The following NXPE1 variants were observed in gnomAD, a reference collection of about 807,000 sequenced individuals.
The protein encoded by NXPE1 is NXPE family member 1.
NXPE1 carries 31 observed loss-of-function variants against 33.3 expected under a neutral mutation model. That is an observed-to-expected ratio of 0.93 (90% CI 0.70 to 1.26). The LOEUF (loss-of-function observed/expected upper bound fraction) is 1.26. Among genes scored for constraint, NXPE1 ranks in the 50% most tolerant of loss-of-function variants. The pLI is 0.00. For synonymous variants in NXPE1, 229 were observed against 231.4 expected (o/e 0.99, Z 0.09); for missense variants, 661 against 655.6 (o/e 1.01, Z -0.09).
At chr11:114,554,346 T>C in intron 1 of NXPE1, 1 of 985,218 alleles carries the variant, frequency 1.0e-6, no homozygotes, top group Non-Finnish European at 1.2e-6. Flanking sequence ...TTCCTACTTG[T>C]GTAAATGAGA....
At chr11:114,533,512 C>T (rs886402717) in intron 5 of NXPE1, among the ~76,000 whole-genome samples, 4 of 152,174 alleles carry the variant, frequency 2.6e-5, no homozygotes, top group East Asian at 1.9e-4. Flanking sequence ...GAAGCACAAG[C>T]GGTCAGGGAA....
At position 114,530,749 on chromosome 11, in the gene NXPE1, TG is replaced by T. The variant is rs764868549; in HGVS notation, c.258del (p.Arg87AspfsTer6). ...GTGGTGTTCACATGGGTGAAAGGTC[TG>T]GGTGGGATCTGCTGATCTAGTTTCT... On this transcript the variant is annotated frameshift_variant, in exon 6 of 9. Coordinates refer to ENST00000534921, the Ensembl canonical transcript of NXPE1. LOFTEE classifies it high-confidence loss of function. The T allele has an allele frequency of 1.6e-5, 26 of 1,614,116 alleles. No homozygotes were observed. In the East Asian group the frequency reaches 4.2e-4, roughly 26 times the overall value.
At chr11:114,558,073 A>G (rs1948699928) in intron 1 of NXPE1, among the ~76,000 whole-genome samples, 1 of 152,086 alleles carries the variant, frequency 6.6e-6, no homozygotes, top group Admixed American at 6.6e-5. Context: ...TTAACAGATC[A>G]AATATAACAT....
intron 7 of NXPE1, among the ~76,000 whole-genome samples, chr11:114,524,475 G>C (rs1947308348): frequency 6.6e-6 from 1 of 152,194 alleles, no homozygotes; most frequent in African/African-American, 2.4e-5. Flanking sequence ...GGCAGAATTG[G>C]AAAGTGCACT....
chr11:114,552,297 A>C (rs968193193), intron 2 of NXPE1, among the ~76,000 whole-genome samples: 2 of 152,164 alleles, frequency 1.3e-5, no homozygotes, highest in African/African-American at 4.8e-5. Context: ...GACCAAATGA[A>C]TGAATACAGA....
At chr11:114,546,238 C>T (rs1348288962) in intron 5 of NXPE1, among the ~76,000 whole-genome samples, 2 of 152,040 alleles carry the variant, frequency 1.3e-5, no homozygotes, top group Admixed American at 1.3e-4. Flanking sequence ...TATGTGTATG[C>T]TGGGAGATGA....
chr11:114,532,412 A>C (rs891307406), intron 5 of NXPE1, among the ~76,000 whole-genome samples: 2 of 152,146 alleles, frequency 1.3e-5, no homozygotes, highest in African/African-American at 4.8e-5. Context: ...AAAATAGATA[A>C]AAATACAATA....
At chr11:114,535,595 A>C (rs1487369695) in intron 5 of NXPE1, among the ~76,000 whole-genome samples, 1 of 152,212 alleles carries the variant, frequency 6.6e-6, no homozygotes, top group East Asian at 1.9e-4. Context: ...AAGATCTACC[A>C]AGCAAATGGA....
chr11:114,553,647 A>C, intron 1 of NXPE1: 108 of 802,530 alleles, frequency 1.3e-4, no homozygotes, highest in Non-Finnish European at 1.5e-4. Context: ...TTAGAATCCT[A>C]TGGCCAGATA....
At chr11:114,538,422 G>T (rs895314201) in intron 5 of NXPE1, among the ~76,000 whole-genome samples, 2 of 152,108 alleles carry the variant, frequency 1.3e-5, no homozygotes, top group African/African-American at 4.8e-5. Flanking sequence ...AGCCAAAATT[G>T]ACAAATGGGA....
chr11:114,543,813 A>C (rs762020510), intron 5 of NXPE1, among the ~76,000 whole-genome samples: 13 of 152,226 alleles, frequency 8.5e-5, no homozygotes, highest in Non-Finnish European at 1.8e-4. Flanking sequence ...AACAAATTAC[A>C]TGACTGTCTA....
At chr11:114,545,214 T>C (rs1198554428) in intron 5 of NXPE1, among the ~76,000 whole-genome samples, 2 of 152,202 alleles carry the variant, frequency 1.3e-5, no homozygotes, top group African/African-American at 4.8e-5. Flanking sequence ...TTCTCCTGTA[T>C]ACATATCCAG....
At position 114,551,443 on chromosome 11, in the gene NXPE1, T is replaced by C. The variant is rs1261068269; in HGVS notation, c.-69-2A>G. ...TTGTTGCTTCCTCCTTCCAGGACCC[T>C]GAAATGGAAGTCAAAGTCACCTTAT... On this transcript the variant is annotated splice_acceptor_variant, in intron 3 of 8. Transcript: ENST00000534921. LOFTEE classifies it low-confidence loss of function (5UTR_SPLICE). 1.6e-6 allele frequency: 2 copies of C among 1,247,090 alleles called. No homozygotes were observed. 77.3% of individuals were successfully genotyped at this position (1,247,090 alleles called of 1,614,324 possible).
intron 5 of NXPE1, among the ~76,000 whole-genome samples, chr11:114,545,348 T>C (rs947791273): frequency 1.3e-5 from 2 of 152,148 alleles, no homozygotes; most frequent in Non-Finnish European, 2.9e-5. Context: ...GATAAACAAA[T>C]TGTAGTACAT....
chr11:114,535,360 G>T (rs991026139), intron 5 of NXPE1, among the ~76,000 whole-genome samples: 1 of 152,162 alleles, frequency 6.6e-6, no homozygotes, highest in Non-Finnish European at 1.5e-5. Context: ...AGGCTAGGAA[G>T]AAACTACATC....
intron 5 of NXPE1, among the ~76,000 whole-genome samples, chr11:114,544,105 G>T (rs1159464102): frequency 3.3e-5 from 5 of 152,128 alleles, no homozygotes; most frequent in Admixed American, 2.6e-4. Flanking sequence ...AATGGAGAGA[G>T]ATTCCATGTT....
chr11:114,523,028 G>A (rs766079262), exon 8 of NXPE1: 2 of 1,613,624 alleles, frequency 1.2e-6, no homozygotes, highest in Admixed American at 3.3e-5. Flanking sequence ...TCCTTGTAAA[G>A]TATAACCACC....
intron 7 of NXPE1, 37 bp from the exon 8 acceptor site, chr11:114,523,128 A>G (rs1433369612): frequency 6.7e-7 from 1 of 1,482,908 alleles, no homozygotes; most frequent in Non-Finnish European, 9.4e-7. Flanking sequence ...TTTTATTGGC[A>G]AAACTTAGAC....
chr11:114,533,520 G>A (rs1947667546), intron 5 of NXPE1, among the ~76,000 whole-genome samples: 1 of 152,204 alleles, frequency 6.6e-6, no homozygotes, highest in African/African-American at 2.4e-5. Flanking sequence ...AGCGGTCAGG[G>A]AATTTCCTTT....
Sources: allele counts gnomAD v4.1 joint callset (sites outside exome capture counted in the v4.1 genomes callset), GRCh38; gene constraint gnomAD v4.1.1; transcripts MANE v1.5; gene names NCBI Gene and HGNC (gene_info 2026-07-23, HGNC 2026-07-21).